SLC14A2: variants seen among roughly 807,000 people sequenced by gnomAD.
SLC14A2 encodes the protein urea transporter 2.
In SLC14A2, 91 loss-of-function variants were observed where a neutral mutation model predicts 104.6. The ratio of observed to expected loss-of-function variants is 0.87; its 90% CI spans 0.73 to 1.04. SLC14A2 has a LOEUF of 1.04. Among genes scored for constraint, SLC14A2 ranks in the 50% least tolerant of loss-of-function variants. SLC14A2 has a pLI of 0.00. For synonymous variants in SLC14A2, 476 were observed against 466.4 expected (o/e 1.02, Z -0.27); for missense variants, 1,189 against 1,156.0 (o/e 1.03, Z -0.41).
intron 2 of SLC14A2, among the ~76,000 whole-genome samples, chr18:45,509,978 G>A (rs777206262): frequency 6.6e-6 from 1 of 152,116 alleles, no homozygotes; most frequent in Non-Finnish European, 1.5e-5. Context: ...CTGAGTGGAG[G>A]GGTTGCCCAT....
intron 1 of SLC14A2, among the ~76,000 whole-genome samples, chr18:45,382,535 C>A (rs919953067): frequency 6.6e-6 from 1 of 152,246 alleles, no homozygotes. Context: ...TAGTACTTAA[C>A]TTTCTCCACC....
intron 2 of SLC14A2, among the ~76,000 whole-genome samples, chr18:45,569,672 C>A (rs1478785422): frequency 1.3e-5 from 2 of 152,218 alleles, no homozygotes; most frequent in Admixed American, 1.3e-4. Flanking sequence ...ACCTGATTTA[C>A]TACCAAATGC....
chr18:45,333,093 CTAA>C, intron 1 of SLC14A2, among the ~76,000 whole-genome samples: 1 of 152,200 alleles, frequency 6.6e-6, no homozygotes, highest in Middle Eastern at 3.4e-3. Context: ...TTTCTCTTTG[CTAA>C]TAATAGAGTG....
At chr18:45,514,639 C>T (rs949409469) in intron 2 of SLC14A2, among the ~76,000 whole-genome samples, 12 of 152,154 alleles carry the variant, frequency 7.9e-5, no homozygotes, top group Non-Finnish European at 1.6e-4. Flanking sequence ...ACCTATATTC[C>T]TTGGTAAGCA....
At chr18:45,451,093 CA>C (rs1157157382) in intron 1 of SLC14A2, among the ~76,000 whole-genome samples, 1 of 152,204 alleles carries the variant, frequency 6.6e-6, no homozygotes, top group Non-Finnish European at 1.5e-5. Flanking sequence ...TATATAAAAA[CA>C]GTAAGCTTTC....
chr18:45,490,997 CA>C (rs2042987590), intron 2 of SLC14A2, among the ~76,000 whole-genome samples: 1 of 152,178 alleles, frequency 6.6e-6, no homozygotes, highest in African/African-American at 2.4e-5. Flanking sequence ...TGGGCACTGC[CA>C]TCCTAGAGGA....
At chr18:45,222,077 T>A (rs1392135820) in intron 1 of SLC14A2, among the ~76,000 whole-genome samples, 6 of 152,184 alleles carry the variant, frequency 3.9e-5, no homozygotes, top group Non-Finnish European at 8.8e-5. Flanking sequence ...GTTCTCTTAA[T>A]AGAGTTTAAC....
intron 2 of SLC14A2, chr18:45,528,764 G>T (rs777083413): frequency 3.3e-5 from 5 of 152,202 alleles, no homozygotes; most frequent in African/African-American, 1.2e-4. Context: ...GTGCTAGATA[G>T]CACCCAAGGA....
chr18:45,337,175 G>A (rs2085346014), intron 1 of SLC14A2, among the ~76,000 whole-genome samples: 1 of 152,112 alleles, frequency 6.6e-6, no homozygotes, highest in Non-Finnish European at 1.5e-5. Flanking sequence ...AACTAGGCTT[G>A]GAAGGATGAG....
At chr18:45,626,687 G>A (rs1443847047) in intron 3 of SLC14A2, among the ~76,000 whole-genome samples, 1 of 151,092 alleles carries the variant, frequency 6.6e-6, no homozygotes, top group African/African-American at 2.4e-5. Context: ...GCCAGTGGCT[G>A]GAACAGCGTT....
At chr18:45,371,608 C>T (rs1270514753) in intron 1 of SLC14A2, among the ~76,000 whole-genome samples, 3 of 152,140 alleles carry the variant, frequency 2.0e-5, no homozygotes, top group Non-Finnish European at 2.9e-5. Context: ...TGTATACAAA[C>T]GTTGGTCTTT....
intron 1 of SLC14A2, among the ~76,000 whole-genome samples, chr18:45,254,927 C>T (rs942789310): frequency 6.6e-6 from 1 of 152,170 alleles, no homozygotes; most frequent in African/African-American, 2.4e-5. Context: ...CAGCCGCCCA[C>T]ATTTACTCCG....
At chr18:45,598,834 C>T (rs967176846) in intron 2 of SLC14A2, among the ~76,000 whole-genome samples, 1 of 152,232 alleles carries the variant, frequency 6.6e-6, no homozygotes, top group African/African-American at 2.4e-5. Flanking sequence ...CTTTCAGCTG[C>T]CTTCAGGCAA....
chr18:45,613,487 T>A (rs999216960), upstream of SLC14A2, among the ~76,000 whole-genome samples: 1 of 152,144 alleles, frequency 6.6e-6, no homozygotes, highest in Non-Finnish European at 1.5e-5. Context: ...GATAGAAAGA[T>A]GTGGGAAAGT....
intron 1 of SLC14A2, among the ~76,000 whole-genome samples, chr18:45,220,967 T>C (rs1330375872): frequency 6.6e-6 from 1 of 152,180 alleles, no homozygotes; most frequent in Non-Finnish European, 1.5e-5. Flanking sequence ...GTGCCCAAAC[T>C]TCTTCTTCTG....
chr18:45,443,918 C>CT (rs1032726556), intron 1 of SLC14A2, among the ~76,000 whole-genome samples: 2 of 152,136 alleles, frequency 1.3e-5, no homozygotes, highest in Non-Finnish European at 2.9e-5. Context: ...CCAGAGTAGT[C>CT]TTTTCCATAA....
intron 2 of SLC14A2, among the ~76,000 whole-genome samples, chr18:45,505,679 C>T (rs749508597): frequency 1.3e-5 from 2 of 152,186 alleles, no homozygotes; most frequent in Non-Finnish European, 2.9e-5. Context: ...CTCGGCCCCC[C>T]GAGCACCCAC....
intron 1 of SLC14A2, among the ~76,000 whole-genome samples, chr18:45,348,723 T>C (rs574949974): frequency 2.0e-5 from 3 of 152,322 alleles, no homozygotes; most frequent in South Asian, 4.1e-4. Context: ...TTTCTCTATT[T>C]AATAAATAAG....
chr18:45,252,006 C>T (rs576489047), intron 1 of SLC14A2, among the ~76,000 whole-genome samples: 6 of 152,164 alleles, frequency 3.9e-5, no homozygotes, highest in Admixed American at 1.3e-4. Context: ...ACACATCCCT[C>T]GAATCTTTGC....
Sources: allele counts gnomAD v4.1 joint callset (sites outside exome capture counted in the v4.1 genomes callset), GRCh38; gene constraint gnomAD v4.1.1; transcripts MANE v1.5; gene names NCBI Gene and HGNC (gene_info 2026-07-23, HGNC 2026-07-21).